Variants in CADPS2 observed in about 807,000 individuals in gnomAD.
The protein encoded by CADPS2 is calcium dependent secretion activator 2.
In CADPS2, 93 loss-of-function variants were observed where a neutral mutation model predicts 172.5. That is an observed-to-expected ratio of 0.54 (90% confidence interval 0.46 to 0.64). CADPS2 has a LOEUF of 0.64. Ranked by LOEUF, CADPS2 falls within the 30% of genes least tolerant of loss-of-function variation. The probability of loss-of-function intolerance (pLI) is 0.00; values close to 1 mark genes in which losing one functional copy is unlikely to be tolerated. For synonymous variants in CADPS2, 546 were observed against 555.2 expected, an observed-to-expected ratio of 0.98 and a Z score of 0.23; for missense variants, 1,420 against 1,565.9, an observed-to-expected ratio of 0.91 and a Z score of 1.57.
intron 1 of CADPS2, among the ~76,000 whole-genome samples, chr7:122,813,723 G>T (rs1256774062): frequency 1.3e-5 from 2 of 152,000 alleles, no homozygotes; most frequent in Non-Finnish European, 2.9e-5. Flanking sequence ...ATTTTTTGAG[G>T]CTTTATATGG....
At chr7:122,770,992 A>G (rs528714531) in intron 1 of CADPS2, among the ~76,000 whole-genome samples, 21 of 152,298 alleles carry the variant, frequency 1.4e-4, no homozygotes, top group African/African-American at 4.8e-4. Context: ...GCTGCCAGAA[A>G]TTCTGAAGCT....
intron 1 of CADPS2, among the ~76,000 whole-genome samples, chr7:122,776,275 A>C (rs541905502): frequency 6.6e-6 from 1 of 152,118 alleles, no homozygotes; most frequent in Non-Finnish European, 1.5e-5. Context: ...TCCCCTACAC[A>C]TGCTCTCTTG....
intron 3 of CADPS2, among the ~76,000 whole-genome samples, chr7:122,645,600 A>G: frequency 7.4e-6 from 1 of 135,702 alleles, no homozygotes; most frequent in South Asian, 2.3e-4. Flanking sequence ...GATTATATAT[A>G]TATATACACA....
chr7:122,878,698 C>T (rs1822015144), intron 1 of CADPS2, among the ~76,000 whole-genome samples: 1 of 148,384 alleles, frequency 6.7e-6, no homozygotes. Flanking sequence ...ACAAAGTTGT[C>T]ATAAGTTAAA....
rs150307112 is a variant in CADPS2 at position 122,750,589 on chromosome 7, C to T, written c.340-13521G>A. Among the ~76,000 whole-genome samples, 589 of 152,160 alleles carry T rather than the reference C, an allele frequency of 3.9e-3. 14 individuals carry two copies. The East Asian group carries it at 0.049, about 13-fold the overall frequency. On this transcript the variant is annotated intron_variant, in intron 1 of 29. Transcript: ENST00000449022. ...TTTTCAGTGTTGTCTGAAAAAGCAG[C>T]TCAAAGGAAATTTCCACAGCAGAAC...
intron 1 of CADPS2, among the ~76,000 whole-genome samples, chr7:122,774,766 T>C (rs1350845577): frequency 1.3e-5 from 2 of 152,312 alleles, no homozygotes; most frequent in Admixed American, 1.3e-4. Flanking sequence ...TTATTTCTAC[T>C]CTTGAGAATT....
At position 122,817,450 on chromosome 7, in the gene CADPS2, C is replaced by T. The variant is rs146409113; in HGVS notation, c.339+68549G>A. ...AATTCCTTTCATTTTCTGGGAGAGA[C>T]AAAGGCGACACGTTTTATCCGTGGA... On this transcript the variant is annotated intron_variant, in intron 1 of 29. Transcript: ENST00000449022. Among the ~76,000 whole-genome samples, 13 of 152,208 alleles carry T rather than the reference C, an allele frequency of 8.5e-5. No individual in the cohort carries two copies. The East Asian group carries it at 2.3e-3, about 27-fold the overall frequency.
intron 14 of CADPS2, among the ~76,000 whole-genome samples, chr7:122,460,881 G>T (rs1386974085): frequency 2.6e-5 from 4 of 152,168 alleles, no homozygotes; most frequent in Non-Finnish European, 5.9e-5. Flanking sequence ...AGATGTCAGA[G>T]CTGAAGAGAG....
chr7:122,774,814 T>C (rs2093824346), intron 1 of CADPS2, among the ~76,000 whole-genome samples: 2 of 152,212 alleles, frequency 1.3e-5, no homozygotes, highest in African/African-American at 2.4e-5. Context: ...ATATATTTAA[T>C]GTATCTAACT....
At chr7:122,756,935 C>T (rs1014877804) in intron 1 of CADPS2, among the ~76,000 whole-genome samples, 6 of 151,942 alleles carry the variant, frequency 3.9e-5, no homozygotes, top group Non-Finnish European at 5.9e-5. Context: ...CCTCAGACCT[C>T]CTACAGAACC....
intron 1 of CADPS2, among the ~76,000 whole-genome samples, chr7:122,811,249 G>A (rs986614631): frequency 6.6e-6 from 1 of 152,138 alleles, no homozygotes; most frequent in South Asian, 2.1e-4. Flanking sequence ...GATGAGAAAA[G>A]TAAGGACAAA....
At chr7:122,676,181 A>C (rs1331507860) in intron 2 of CADPS2, among the ~76,000 whole-genome samples, 1 of 152,212 alleles carries the variant, frequency 6.6e-6, no homozygotes, top group Non-Finnish European at 1.5e-5. Context: ...TCTTTAAAAA[A>C]TGAATAGGTT....
chr7:122,628,580 T>C (rs2430023), intron 4 of CADPS2, among the ~76,000 whole-genome samples: 117,584 of 151,192 alleles, frequency 0.78, 46,187 homozygotes, highest in Middle Eastern at 0.92. Flanking sequence ...AATTTTCATA[T>C]CATTGAAGTA....
At chr7:122,498,307 T>C (rs571001949) in intron 9 of CADPS2, among the ~76,000 whole-genome samples, 3 of 152,210 alleles carry the variant, frequency 2.0e-5, no homozygotes. Context: ...CATTTTGCAC[T>C]TTCATCATGA....
chr7:122,527,582 T>TAGAGAGAGAG (rs35881192), intron 8 of CADPS2, among the ~76,000 whole-genome samples: 168 of 91,476 alleles, frequency 1.8e-3, no homozygotes, highest in Non-Finnish European at 2.1e-3. Context: ...TAATACTGAA[T>TAGAGAGAGAG]AGAGAGAGAG....
At chr7:122,385,723 G>T (rs530176846) in intron 24 of CADPS2, among the ~76,000 whole-genome samples, 1 of 151,982 alleles carries the variant, frequency 6.6e-6, no homozygotes, top group Non-Finnish European at 1.5e-5. Flanking sequence ...TACCTCTGAT[G>T]ATGGTCACAT....
chr7:122,452,226 C>T (rs769661793), intron 14 of CADPS2, among the ~76,000 whole-genome samples: 27 of 152,128 alleles, frequency 1.8e-4, no homozygotes, highest in South Asian at 1.5e-3. Context: ...TCCGGTTGTA[C>T]GGCAATCATC....
At chr7:122,365,101 C>A (rs1473550656) in intron 25 of CADPS2, among the ~76,000 whole-genome samples, 1 of 152,190 alleles carries the variant, frequency 6.6e-6, no homozygotes. Context: ...TGGCATCTGG[C>A]AGCCTGTTTG....
At position 122,324,990 on chromosome 7, in the gene CADPS2, C is replaced by A. The variant is rs1483064456; in HGVS notation, c.3717+487G>T. ...GGTCTCCAACACTCAAACTGATTAC[C>A]TTTTACATATAAGAGGCATGCTTCC... is the stretch of plus-strand genomic sequence containing the variant. On this transcript the variant is annotated intron_variant, in intron 29 of 29. Transcript: ENST00000449022. 2.6e-5 allele frequency among the ~76,000 whole-genome samples: 4 copies of A among 152,014 alleles called. No individual in the cohort carries two copies. The East Asian group carries it at 7.7e-4, about 29-fold the overall frequency.
Sources: allele counts gnomAD v4.1 joint callset (sites outside exome capture counted in the v4.1 genomes callset), GRCh38; gene constraint gnomAD v4.1.1; transcripts MANE v1.5; gene names NCBI Gene and HGNC (gene_info 2026-07-23, HGNC 2026-07-21).